Variants in ADAM17 observed in about 807,000 individuals in gnomAD.
ADAM17 encodes disintegrin and metalloproteinase domain-containing protein 17.
A neutral mutation model predicts 96.7 loss-of-function variants in ADAM17; 39 were observed. The ratio of observed to expected loss-of-function variants is 0.40; its 90% CI spans 0.31 to 0.53. The LOEUF (loss-of-function observed/expected upper bound fraction) is 0.53, where lower values mean the gene tolerates loss of function less well. ADAM17 is among the 20% of genes least tolerant of loss of function. The pLI is 0.44. For synonymous variants in ADAM17, 344 were observed against 359.2 expected (o/e 0.96, Z 0.48); for missense variants, 777 against 1,013.2 (o/e 0.77, Z 3.17).
At chr2:9,520,283 A>G (rs1026439038) in intron 8 of ADAM17, among the ~76,000 whole-genome samples, 6 of 152,220 alleles carry the variant, frequency 3.9e-5, no homozygotes, top group African/African-American at 1.4e-4. Context: ...ATATAAAGTC[A>G]TTCTACACCA....
Position 9,502,235 on chromosome 2 carries a change from G to C in ADAM17, c.1586C>G (p.Thr529Ser), listed in dbSNP as rs372323794. ...SPCCKNCQFE[T>S]AQKKCQEAIN... ...CGCCTCCTGGCACTTCTTCTGGGCAGTCTCAAACTGACAGTTTTTACAGCA... is the reference window on the plus strand; with the variant it reads ...CGCCTCCTGGCACTTCTTCTGGGCACTCTCAAACTGACAGTTTTTACAGCA... Residue 529 changes from threonine to serine, a missense_variant, in exon 13 of 19, where the codon ACT becomes AGT. By Grantham distance (58) the Thr-to-Ser change is moderately conservative. Coordinates refer to ENST00000310823, the MANE Select transcript of ADAM17 (RefSeq NM_003183.6). The C allele has an allele frequency of 2.5e-6, 4 of 1,613,942 alleles. No homozygotes were observed. The highest frequency in any genetic ancestry group is 3.4e-6 in the Non-Finnish European group (4 of 1,180,032).
chr2:9,494,870 C>T, intron 14 of ADAM17, 103 bp from the exon 15 acceptor site: 2 of 1,427,616 alleles, frequency 1.4e-6, no homozygotes, highest in Non-Finnish European at 1.9e-6. Flanking sequence ...GGTAAGAAAT[C>T]ACATTTATTT....
rs1302778535 is a variant in ADAM17, at chr2:9,555,690, C to CG, written c.-86dup. On this transcript the variant is annotated 5_prime_UTR_variant, in exon 1 of 19. Transcript: ENST00000310823. ...GAAAACTGCTCACATCGGGGGAGGA[C>CG]GGGATCCGCCCGGCCTAGCCCCTCA... The CG allele has an allele frequency of 8.6e-7, 1 of 1,160,136 alleles. No homozygotes were observed. The highest frequency in any genetic ancestry group is 1.2e-6 in the Non-Finnish European group (1 of 839,900). The allele number at this position is 1,160,136 out of a possible 1,614,324, so 71.9% of individuals were successfully genotyped here.
rs951359233 is a variant in ADAM17, at chr2:9,545,752, CAG to C, written c.98-2469_98-2468del. Among the ~76,000 whole-genome samples, 11 of 152,042 alleles carry C rather than the reference CAG, an allele frequency of 7.2e-5. No individual in the cohort carries two copies. The East Asian group carries it at 1.7e-3, about 24-fold the overall frequency. On this transcript the variant is annotated intron_variant, in intron 1 of 18. Transcript: ENST00000310823. ...TTGGATGTTGTAACACTTCCAAAGACAGGGGAAAAAATCTGCAACTATTTTAA... is the reference window on the plus strand; with the variant it reads ...TTGGATGTTGTAACACTTCCAAAGACGGGAAAAAATCTGCAACTATTTTAA...
Position 9,543,205 on chromosome 2 carries a change from G to A in ADAM17, c.178C>T (p.Leu60=). The change falls in exon 2 of 19, where the codon CTA becomes TTA. Residue 60 remains leucine (L), a synonymous_variant. Transcript: ENST00000310823. Reference sequence around the variant, plus strand: ...GTTTCTACATGTGTTGAAGTCTGTAGATCTCTTTTTCTTACCGAATGCTGC... The same window carrying A: ...GTTTCTACATGTGTTGAAGTCTGTAAATCTCTTTTTCTTACCGAATGCTGC... ...IQQHSVRKRD[L]QTSTHVETLL... is the part of the protein sequence containing the mutation. The A allele has an allele frequency of 6.2e-7, 1 of 1,610,496 alleles. No homozygotes were observed. The highest frequency in any genetic ancestry group is 8.5e-7 in the Non-Finnish European group (1 of 1,178,456).
At chr2:9,504,645 C>T (rs1424495399) in intron 12 of ADAM17, among the ~76,000 whole-genome samples, 10 of 150,950 alleles carry the variant, frequency 6.6e-5, no homozygotes, top group Middle Eastern at 3.4e-3. Flanking sequence ...TGCCTGTAGT[C>T]CCACTACTCA....
intron 1 of ADAM17, among the ~76,000 whole-genome samples, chr2:9,553,158 T>A (rs1219294790): frequency 6.6e-6 from 1 of 152,190 alleles, no homozygotes; most frequent in Non-Finnish European, 1.5e-5. Context: ...AGACTCATTT[T>A]CCTCCTCCTT....
intron 1 of ADAM17, among the ~76,000 whole-genome samples, chr2:9,553,160 C>T (rs1665633580): frequency 6.6e-6 from 1 of 152,138 alleles, no homozygotes; most frequent in African/African-American, 2.4e-5. Flanking sequence ...ACTCATTTTC[C>T]TCCTCCTTTA....
intron 2 of ADAM17, among the ~76,000 whole-genome samples, chr2:9,538,083 A>T (rs1193975918): frequency 6.6e-6 from 1 of 151,198 alleles, no homozygotes; most frequent in Non-Finnish European, 1.5e-5. Context: ...GTTTCAGTCC[A>T]GTTCTTTAAT....
At chr2:9,499,733 G>GAT (rs1174694981) in intron 13 of ADAM17, among the ~76,000 whole-genome samples, 3 of 152,118 alleles carry the variant, frequency 2.0e-5, no homozygotes, top group Admixed American at 1.3e-4. Flanking sequence ...AAAGTAATGT[G>GAT]ATAGTGACAG....
At chr2:9,498,547 C>T (rs1390697416) in intron 13 of ADAM17, among the ~76,000 whole-genome samples, 2 of 152,206 alleles carry the variant, frequency 1.3e-5, no homozygotes, top group Non-Finnish European at 2.9e-5. Flanking sequence ...AGAATTCTGA[C>T]TTAGAGGGTT....
At position 9,523,297 on chromosome 2, in the gene ADAM17, A is replaced by G; in HGVS notation, c.795T>C (p.Thr265=). 6.2e-7 allele frequency: 1 copy of G among 1,613,192 alleles called. No homozygotes were observed. The highest frequency in any genetic ancestry group is 1.1e-5 in the South Asian group (1 of 91,046). Reference sequence around the variant, plus strand: ...CTTTAAAACCTGCATTATCCCATGAAGTGTTCCGATAGATGTCATCAACTC... The same window carrying G: ...CTTTAAAACCTGCATTATCCCATGAGGTGTTCCGATAGATGTCATCAACTC... ...IDRVDDIYRN[T]SWDNAGFKGY... is the part of the protein sequence containing the mutation. The change falls in exon 7 of 19, where the codon ACT becomes ACC. Residue 265 remains threonine, a synonymous_variant. Coordinates refer to ENST00000310823, the MANE Select transcript of ADAM17 (RefSeq NM_003183.6).
At position 9,555,429 on chromosome 2, in the gene ADAM17, C is replaced by G. The variant is rs1665712148; in HGVS notation, c.97+80G>C. 6 of 1,271,020 alleles carry G rather than the reference C, an allele frequency of 4.7e-6. No homozygotes were observed. In the South Asian group the frequency reaches 9.2e-5, roughly 20 times the overall value. 78.7% of individuals were successfully genotyped at this position (1,271,020 alleles called of 1,614,324 possible). ...TCGCCAATACCCCGCCCCCAAACAC[C>G]TGATAGACCCAGCTCCCCTGCTCTT... is the stretch of plus-strand genomic sequence containing the variant. On this transcript the variant is annotated intron_variant, in intron 1 of 18. Transcript: ENST00000310823.
chr2:9,502,101 C>T (rs781010759), intron 13 of ADAM17, 72 bp downstream of exon 13: 33 of 1,352,274 alleles, frequency 2.4e-5, no homozygotes, highest in Middle Eastern at 3.6e-4. Context: ...CTGAACAAAA[C>T]ATAATCTTGT....
intron 18 of ADAM17, 36 bp from the exon 19 acceptor site, chr2:9,490,554 A>AAAAG (rs772949858): frequency 1.3e-6 from 2 of 1,573,124 alleles, no homozygotes; most frequent in South Asian, 2.3e-5. Context: ...TGATAGGAAT[A>AAAAG]AAAGATGAAT....
intron 11 of ADAM17, among the ~76,000 whole-genome samples, chr2:9,509,297 ATATT>A (rs1268454933): frequency 2.0e-5 from 3 of 152,240 alleles, no homozygotes; most frequent in African/African-American, 4.8e-5. Flanking sequence ...AAAGAACCAG[ATATT>A]TATTAACACA....
intron 2 of ADAM17, among the ~76,000 whole-genome samples, chr2:9,540,273 A>G (rs1665155119): frequency 6.6e-6 from 1 of 152,046 alleles, no homozygotes; most frequent in Non-Finnish European, 1.5e-5. Flanking sequence ...CAAACTCTCC[A>G]CCAGTATAGC....
At chr2:9,494,576 A>G (rs1490162343) in intron 15 of ADAM17, 61 bp downstream of exon 15, 1 of 1,588,320 alleles carries the variant, frequency 6.3e-7, no homozygotes, top group Non-Finnish European at 8.6e-7. Context: ...AAAATCAAGT[A>G]CTTACAAAAT....
chr2:9,509,871 CATCCCTAGGG>C, intron 11 of ADAM17, 98 bp downstream of exon 11: 1 of 1,403,262 alleles, frequency 7.1e-7, no homozygotes, highest in Non-Finnish European at 9.7e-7. Context: ...TTTGCACATC[CATCCCTAGGG>C]AAACGCCTAG....
Sources: allele counts gnomAD v4.1 joint callset (sites outside exome capture counted in the v4.1 genomes callset), GRCh38; gene constraint gnomAD v4.1.1; transcripts MANE v1.5; gene names NCBI Gene and HGNC (gene_info 2026-07-23, HGNC 2026-07-21).